Variants in MYOM2 observed in about 807,000 individuals in gnomAD.
The protein encoded by MYOM2 is myomesin 2.
MYOM2 carries 254 observed loss-of-function variants against 187.6 expected under a neutral mutation model. The observed-to-expected ratio is 1.35, with a 90% CI of 1.22 to 1.50. The LOEUF is 1.50. Ranked by LOEUF, MYOM2 falls within the 40% of genes most tolerant of loss-of-function variation. The pLI, the probability that MYOM2 is intolerant of heterozygous loss-of-function variation, is 0.00. For synonymous variants in MYOM2, 981 were observed against 753.8 expected, an observed-to-expected ratio of 1.30 and a Z score of -4.94; for missense variants, 2,796 against 1,924.0, an observed-to-expected ratio of 1.45 and a Z score of -8.48.
intron 23 of MYOM2, among the ~76,000 whole-genome samples, chr8:2,107,439 G>A (rs1025127135): frequency 2.0e-5 from 3 of 152,120 alleles, no homozygotes; most frequent in African/African-American, 7.2e-5. Flanking sequence ...AGATCCTTTA[G>A]TTATCAATCA....
intron 25 of MYOM2, among the ~76,000 whole-genome samples, chr8:2,113,318 T>C (rs903794797): frequency 6.6e-6 from 1 of 152,204 alleles, no homozygotes; most frequent in African/African-American, 2.4e-5. Flanking sequence ...CACTGTATCA[T>C]CCAGGTGGAG....
At chr8:2,060,133 G>C (rs1385945306) in intron 6 of MYOM2, among the ~76,000 whole-genome samples, 1 of 152,170 alleles carries the variant, frequency 6.6e-6, no homozygotes, top group East Asian at 1.9e-4. Flanking sequence ...AAAAGACCCT[G>C]ACATTACACA....
Position 2,124,184 on chromosome 8 carries a change from GAT to G in MYOM2, c.3662_3663del (p.Asp1221GlyfsTer8). ...GTATCCCTTCTCATTTTCAGTGTAT[GAT>G]GATATGATTTTGGCAATGAGTAGAG... ...SILEIAGKVY[D>X]DMILAMSRVC... On this transcript the variant is annotated frameshift_variant, in exon 31 of 37. Coordinates refer to ENST00000262113, the MANE Select transcript of MYOM2 (RefSeq NM_003970.4). LOFTEE classifies it high-confidence loss of function. 1 of 1,612,578 alleles carries G rather than the reference GAT, an allele frequency of 6.2e-7. No homozygotes were observed. The highest frequency in any genetic ancestry group is 8.5e-7 in the Non-Finnish European group (1 of 1,179,118).
intron 35 of MYOM2, 174 bp from the exon 36 acceptor site, chr8:2,143,227 C>A: frequency 1.4e-6 from 1 of 721,848 alleles, no homozygotes; most frequent in Non-Finnish European, 2.4e-6. Flanking sequence ...CTTCCCTTGG[C>A]TTTGGTTTAT....
chr8:2,062,532 CG>C (rs1818884979), intron 6 of MYOM2, among the ~76,000 whole-genome samples: 2 of 152,126 alleles, frequency 1.3e-5, no homozygotes, highest in Admixed American at 1.3e-4. Context: ...GCCATCACAG[CG>C]GGGTAGGCCT....
At chr8:2,142,337 CT>C in intron 34 of MYOM2, 37 bp from the exon 35 acceptor site, 1 of 1,606,566 alleles carries the variant, frequency 6.2e-7, no homozygotes, top group Non-Finnish European at 8.5e-7. Context: ...CTCATACTCT[CT>C]TTTCATTCTC....
intron 21 of MYOM2, among the ~76,000 whole-genome samples, chr8:2,103,131 G>T (rs77317201): frequency 3.9e-4 from 45 of 114,048 alleles, no homozygotes; most frequent in African/African-American, 1.5e-3. Context: ...TGGGTGGGTG[G>T]GTGTGTGTGT....
intron 19 of MYOM2, 91 bp from the exon 20 acceptor site, chr8:2,100,785 A>G: frequency 4.6e-6 from 6 of 1,291,486 alleles, no homozygotes; most frequent in Non-Finnish European, 6.5e-6. Context: ...GGGGCTTCCC[A>G]GAGGAGCAGT....
intron 6 of MYOM2, 143 bp downstream of exon 6, chr8:2,059,388 T>C (rs1488454741): frequency 7.7e-6 from 5 of 646,278 alleles, no homozygotes; most frequent in Non-Finnish European, 1.3e-5. Flanking sequence ...ATTTATGAGT[T>C]AATGGTACTG....
chr8:2,144,864 G>A lies in MYOM2; in HGVS notation c.4281G>A (p.Glu1427=). 4 of 1,614,158 alleles carry A rather than the reference G, an allele frequency of 2.5e-6. No homozygotes were observed. Among genetic ancestry groups the A allele is most frequent in the Non-Finnish European group, 3.4e-6 (4 of 1,180,042 alleles). Residue 1427 remains glutamate, a synonymous_variant, in exon 37 of 37, where the codon GAG becomes GAA. Transcript: ENST00000262113. The part of the protein sequence containing the change: ...SINIKNKYGG[E]KIDVTVSVYK... ...ACATCAAGAATAAGTATGGCGGGGA[G>A]AAGATCGACGTGACAGTGAGCGTGT... is the stretch of plus-strand genomic sequence containing the variant.
intron 13 of MYOM2, among the ~76,000 whole-genome samples, chr8:2,084,086 C>T (rs141925592): frequency 1.2e-4 from 19 of 152,348 alleles, no homozygotes; most frequent in Admixed American, 7.2e-4. Context: ...TTTGGAATTT[C>T]GGCAAGTGTT....
At chr8:2,105,986 G>T (rs1563059304) in intron 21 of MYOM2, among the ~76,000 whole-genome samples, 1 of 152,208 alleles carries the variant, frequency 6.6e-6, no homozygotes, top group Non-Finnish European at 1.5e-5. Context: ...CGGCAGGACA[G>T]AGTGAGTGCC....
At chr8:2,144,259 T>C (rs1234807421) in intron 36 of MYOM2, among the ~76,000 whole-genome samples, 1 of 151,454 alleles carries the variant, frequency 6.6e-6, no homozygotes, top group East Asian at 1.9e-4. Context: ...TAAAACGATA[T>C]ATTCAATGGG....
chr8:2,057,799 AG>A lies in MYOM2; in HGVS notation c.560+24del. On this transcript the variant is annotated intron_variant, in intron 5 of 36. Transcript: ENST00000262113. ...TGCAGTGGTGAGGGGCTCTGTTCCC[AG>A]GGGGTGAAGAAGTCCATTCTGCGTT... 4 of 1,609,062 alleles carry A rather than the reference AG, an allele frequency of 2.5e-6. No individual in the cohort carries two copies. Among genetic ancestry groups the A allele is most frequent in the Non-Finnish European group, 3.4e-6 (4 of 1,176,416 alleles).
chr8:2,064,766 C>T lies in MYOM2; in HGVS notation c.654-4512C>T, dbSNP rs952304164. On this transcript the variant is annotated intron_variant, in intron 6 of 36. Transcript: ENST00000262113. ...GTGGCCTGGGGAACACATCTCCCTC[C>T]TCCTTCTCCTCCATCCCCCTCCTCC... is the stretch of plus-strand genomic sequence containing the variant. 5.3e-5 allele frequency among the ~76,000 whole-genome samples: 8 copies of T among 151,560 alleles called. No individual in the cohort carries two copies. In the South Asian group the frequency reaches 1.2e-3, roughly 24 times the overall value.
Position 2,145,266 on chromosome 8 carries a change from G to T in MYOM2, c.*285G>T, listed in dbSNP as rs1003766608. 16 of 531,948 alleles carry T rather than the reference G, an allele frequency of 3.0e-5. No homozygotes were observed. Among genetic ancestry groups the T allele is most frequent in the Non-Finnish European group, 5.0e-5 (15 of 302,974 alleles). 33.0% of individuals were successfully genotyped at this position (531,948 alleles called of 1,614,324 possible). A position where few individuals can be genotyped will look rare whatever the true frequency, so the allele number is the denominator to read the frequency against. ...GCAGACAACACACTAGAATTTTCAC[G>T]GGTGTGGGCACATGGGTGTGGCACC... On this transcript the variant is annotated 3_prime_UTR_variant, in exon 37 of 37. Transcript: ENST00000262113.
intron 32 of MYOM2, among the ~76,000 whole-genome samples, chr8:2,133,013 T>C (rs36106919): frequency 0.14 from 21,126 of 152,090 alleles, 2,578 homozygotes; most frequent in African/African-American, 0.31. Context: ...GTCGTGGCTT[T>C]AGCCGATGTG....
chr8:2,104,698 C>T (rs1310486191), intron 21 of MYOM2, among the ~76,000 whole-genome samples: 6 of 152,216 alleles, frequency 3.9e-5, no homozygotes, highest in African/African-American at 7.2e-5. Flanking sequence ...GTGGTGGCTC[C>T]GGCAGCTCTG....
intron 5 of MYOM2, among the ~76,000 whole-genome samples, chr8:2,058,758 C>G (rs990881871): frequency 6.6e-6 from 1 of 152,116 alleles, no homozygotes; most frequent in African/African-American, 2.4e-5. Context: ...AGCCATGAAG[C>G]CAGCTTCCTT....
Sources: allele counts gnomAD v4.1 joint callset (sites outside exome capture counted in the v4.1 genomes callset), GRCh38; gene constraint gnomAD v4.1.1; transcripts MANE v1.5; gene names NCBI Gene and HGNC (gene_info 2026-07-23, HGNC 2026-07-21).